Variants in EEPD1 observed in about 807,000 individuals in gnomAD.
The protein encoded by EEPD1 is endonuclease/exonuclease/phosphatase family domain-containing protein 1.
EEPD1 carries 17 observed loss-of-function variants against 46.3 expected under a neutral mutation model. The ratio of observed to expected loss-of-function variants is 0.37; its 90% CI spans 0.25 to 0.55. EEPD1 has a LOEUF of 0.55. EEPD1 is among the 20% of genes least tolerant of loss of function. EEPD1 has a pLI of 0.83. For missense variants in EEPD1, 673 were observed against 745.6 expected (o/e 0.90, Z 1.13); for synonymous variants, 313 against 315.6 (o/e 0.99, Z 0.09).
intron 4 of EEPD1, 49 bp downstream of exon 4, chr7:36,281,274 T>C: frequency 6.5e-7 from 1 of 1,528,672 alleles, no homozygotes; most frequent in Non-Finnish European, 9.0e-7. Flanking sequence ...AATTTATACA[T>C]ACTTTTCCCC....
chr7:36,180,722 G>A (rs1357640136), intron 2 of EEPD1, among the ~76,000 whole-genome samples: 1 of 152,126 alleles, frequency 6.6e-6, no homozygotes, highest in Non-Finnish European at 1.5e-5. Flanking sequence ...CCCTTCCTCT[G>A]GGAAGCTGGT....
intron 2 of EEPD1, among the ~76,000 whole-genome samples, chr7:36,161,305 T>C (rs1178515792): frequency 2.0e-5 from 3 of 152,142 alleles, no homozygotes; most frequent in African/African-American, 4.8e-5. Flanking sequence ...TCAGCAGGTA[T>C]TTCCAGGATG....
At chr7:36,275,835 A>G (rs1265260084) in intron 3 of EEPD1, among the ~76,000 whole-genome samples, 1 of 152,174 alleles carries the variant, frequency 6.6e-6, no homozygotes, top group Non-Finnish European at 1.5e-5. Flanking sequence ...GGGAGGAGCC[A>G]AAGTAGGAGA....
chr7:36,270,845 G>A (rs1385768501), intron 3 of EEPD1, among the ~76,000 whole-genome samples: 1 of 152,098 alleles, frequency 6.6e-6, no homozygotes, highest in Non-Finnish European at 1.5e-5. Context: ...GGGTCAAATG[G>A]TATTTCTAGT....
chr7:36,215,877 C>T lies in EEPD1; in HGVS notation c.879-23108C>T, dbSNP rs1208679172. 3.9e-5 allele frequency among the ~76,000 whole-genome samples: 6 copies of T among 152,368 alleles called. No individual in the cohort carries two copies. In the East Asian group the frequency reaches 1.2e-3, roughly 29 times the overall value. On this transcript the variant is annotated intron_variant, in intron 2 of 7. Transcript: ENST00000242108. The stretch of plus-strand genomic sequence containing the variant: ...TGTCCAATACAACTAAATTCTTTTA[C>T]ATTTTGTACACTTCTGTGGGTAAGT...
rs1385798345 is a variant in EEPD1, at chr7:36,154,669, G to T, written c.345G>T (p.Arg115=). 1.1e-5 allele frequency: 17 copies of T among 1,613,576 alleles called. No individual in the cohort carries two copies. Among genetic ancestry groups the T allele is most frequent in the Non-Finnish European group, 1.3e-5 (15 of 1,179,994 alleles). Residue 115 remains arginine (R), a synonymous_variant, in exon 2 of 8, where the codon CGG becomes CGT. Transcript: ENST00000242108. This position sits in a 1 kb window ranked among gnomAD's most constrained non-coding sequence, Gnocchi z 4.2. ...CGCAGCACTCTCCCAGTTCCCTGCG[G>T]CGGGACCTGCTAGCGGAGCAGCAGC... The part of the protein sequence containing the change: ...SSAQHSPSSL[R]RDLLAEQQPH...
At chr7:36,270,713 A>G (rs1787089736) in intron 3 of EEPD1, among the ~76,000 whole-genome samples, 1 of 152,108 alleles carries the variant, frequency 6.6e-6, no homozygotes, top group Non-Finnish European at 1.5e-5. Flanking sequence ...ATTGATGGGC[A>G]TTTGGGTTGG....
At chr7:36,202,935 A>G (rs1376524096) in intron 2 of EEPD1, among the ~76,000 whole-genome samples, 6 of 152,208 alleles carry the variant, frequency 3.9e-5, no homozygotes, top group Non-Finnish European at 7.3e-5. Flanking sequence ...GGACAGTCAA[A>G]CCAACGGCTT....
At chr7:36,256,798 A>G (rs1406804053) in intron 3 of EEPD1, among the ~76,000 whole-genome samples, 2 of 152,164 alleles carry the variant, frequency 1.3e-5, no homozygotes, top group African/African-American at 2.4e-5. Flanking sequence ...TGTGTCTTTT[A>G]ATTGGGACAT....
At chr7:36,278,196 G>A (rs956384918) in intron 3 of EEPD1, among the ~76,000 whole-genome samples, 2 of 152,108 alleles carry the variant, frequency 1.3e-5, no homozygotes, top group South Asian at 2.1e-4. Flanking sequence ...CACCAGCCAC[G>A]AGCATGGGAA....
rs80276356 is a variant in EEPD1, at chr7:36,209,603, C to T, written c.879-29382C>T. Among the ~76,000 whole-genome samples, 16 of 152,262 alleles carry T rather than the reference C, an allele frequency of 1.1e-4. No homozygotes were observed. In the East Asian group the frequency reaches 3.1e-3, roughly 29 times the overall value. On this transcript the variant is annotated intron_variant, in intron 2 of 7. Transcript: ENST00000242108. ...TTTAATGGGAGGCTATTAAGAGCCA[C>T]TACTGAATACCGCGGGCCAGAGGAG...
At chr7:36,164,920 G>GTT (rs962887839) in intron 2 of EEPD1, among the ~76,000 whole-genome samples, 2 of 152,110 alleles carry the variant, frequency 1.3e-5, no homozygotes, top group Non-Finnish European at 2.9e-5. Context: ...GAAAGAAAAT[G>GTT]TTTTTATACA....
chr7:36,294,522 T>C (rs1474179151), intron 6 of EEPD1, among the ~76,000 whole-genome samples: 1 of 152,224 alleles, frequency 6.6e-6, no homozygotes, highest in East Asian at 1.9e-4. Context: ...GGGAAAAAAG[T>C]GAAATGTAAG....
chr7:36,191,922 T>C (rs1032867188), intron 2 of EEPD1, among the ~76,000 whole-genome samples: 5 of 152,238 alleles, frequency 3.3e-5, no homozygotes, highest in African/African-American at 9.6e-5. Context: ...CCCTGCTACA[T>C]GCCCTTAAGT....
Position 36,297,129 on chromosome 7 carries a change from A to G in EEPD1, c.1452A>G (p.Gln484=). Residue 484 remains glutamine (Q), a synonymous_variant, in exon 7 of 8, where the codon CAA becomes CAG. Coordinates refer to ENST00000242108, the MANE Select transcript of EEPD1 (RefSeq NM_030636.3). ...CCAACATCAGCACCAAGAACCCTCA[A>G]GGCTCGAAGTCTCTGGACAACATCT... The part of the protein sequence containing the change: ...TFTNISTKNP[Q]GSKSLDNIWI... The G allele has an allele frequency of 1.9e-6, 3 of 1,614,236 alleles. No individual in the cohort carries two copies. Among genetic ancestry groups the G allele is most frequent in the Non-Finnish European group, 2.5e-6 (3 of 1,180,034 alleles).
chr7:36,285,584 A>G (rs921496489), intron 5 of EEPD1, among the ~76,000 whole-genome samples: 2 of 152,206 alleles, frequency 1.3e-5, no homozygotes, highest in Non-Finnish European at 2.9e-5. Context: ...AAGCCAAAGC[A>G]GGTCATGAAG....
At chr7:36,160,678 G>GT (rs201394247) in intron 2 of EEPD1, among the ~76,000 whole-genome samples, 40,323 of 145,210 alleles carry the variant, frequency 0.28, 7,113 homozygotes, top group African/African-American at 0.33. Context: ...GGAGGTGGTG[G>GT]GGGGCGGGGC....
intron 2 of EEPD1, among the ~76,000 whole-genome samples, chr7:36,169,369 A>G (rs571975272): frequency 2.0e-5 from 3 of 152,282 alleles, no homozygotes; most frequent in South Asian, 2.1e-4. Flanking sequence ...ATGAGGGGCT[A>G]TTTCTCTACA....
intron 2 of EEPD1, among the ~76,000 whole-genome samples, chr7:36,162,231 T>C (rs1784909745): frequency 6.6e-6 from 1 of 152,252 alleles, no homozygotes; most frequent in Admixed American, 6.5e-5. Flanking sequence ...TGTAATGTCT[T>C]GATTGACAGC....
Sources: allele counts gnomAD v4.1 joint callset (sites outside exome capture counted in the v4.1 genomes callset), GRCh38; gene constraint gnomAD v4.1.1; non-coding constraint Gnocchi (gnomAD v3.1); transcripts MANE v1.5; gene names NCBI Gene and HGNC (gene_info 2026-07-23, HGNC 2026-07-21).